NKAIN2: variants seen among roughly 807,000 people sequenced by gnomAD.
NKAIN2 encodes the protein sodium/potassium transporting ATPase interacting 2.
NKAIN2 carries 14 observed loss-of-function variants against 32.6 expected under a neutral mutation model. The observed-to-expected ratio is 0.43, with a 90% CI of 0.28 to 0.67. NKAIN2 has a LOEUF of 0.67. Among genes scored for constraint, NKAIN2 ranks in the 30% least tolerant of loss-of-function variants. NKAIN2 has a pLI of 0.17. For missense variants in NKAIN2, 198 were observed against 258.3 expected (o/e 0.77, Z 1.60); for synonymous variants, 80 against 87.2 (o/e 0.92, Z 0.46).
intron 1 of NKAIN2, among the ~76,000 whole-genome samples, chr6:123,961,317 A>G (rs544393855): frequency 6.6e-6 from 1 of 152,320 alleles, no homozygotes; most frequent in Non-Finnish European, 1.5e-5. Flanking sequence ...TTCCTGATTC[A>G]TTAAATACTT....
chr6:124,451,382 A>G (rs1453802422), intron 3 of NKAIN2, among the ~76,000 whole-genome samples: 2 of 152,186 alleles, frequency 1.3e-5, no homozygotes, highest in African/African-American at 4.8e-5. Context: ...AGTTCTTAAG[A>G]CAAATATATT....
At chr6:124,192,346 T>C (rs940723508) in intron 1 of NKAIN2, among the ~76,000 whole-genome samples, 6 of 152,222 alleles carry the variant, frequency 3.9e-5, no homozygotes, top group Non-Finnish European at 8.8e-5. Context: ...GATTACTTCT[T>C]TGATTTATAG....
At chr6:124,586,963 TATATTAC>T (rs1215560995) in intron 3 of NKAIN2, among the ~76,000 whole-genome samples, 1 of 152,184 alleles carries the variant, frequency 6.6e-6, no homozygotes, top group Admixed American at 6.5e-5. Flanking sequence ...CAACTCCTCT[TATATTAC>T]ATTTTGGAAA....
rs147219072 is a variant in NKAIN2 at position 124,384,603 on chromosome 6, A to C, written c.273+29256A>C. On this transcript the variant is annotated intron_variant, in intron 3 of 6. Coordinates refer to ENST00000368417, the MANE Select transcript of NKAIN2 (RefSeq NM_001040214.3). Reference sequence around the variant, plus strand: ...TTGCTTGTGATACACAATTGCTTACAATAGTTTGACTCTCTTGCACACTTT... The same window carrying C: ...TTGCTTGTGATACACAATTGCTTACCATAGTTTGACTCTCTTGCACACTTT... Among the ~76,000 whole-genome samples, 1,307 of 150,480 alleles carry C rather than the reference A, an allele frequency of 8.7e-3. 19 individuals carry two copies. Among genetic ancestry groups the C allele is most frequent in the African/African-American group, 0.029 (1,192 of 41,456 alleles).
chr6:124,581,818 G>A (rs2875763), intron 3 of NKAIN2, among the ~76,000 whole-genome samples: 2,655 of 152,116 alleles, frequency 0.017, 87 homozygotes, highest in African/African-American at 0.061. Context: ...AAATGACAAC[G>A]GAAACACAAC....
intron 1 of NKAIN2, among the ~76,000 whole-genome samples, chr6:123,854,724 T>C (rs986193259): frequency 6.6e-6 from 1 of 152,096 alleles, no homozygotes; most frequent in Non-Finnish European, 1.5e-5. Flanking sequence ...TGAGAAGAGC[T>C]CAAGGCCCAA....
chr6:124,722,411 G>T (rs1422867679), intron 4 of NKAIN2, among the ~76,000 whole-genome samples: 1 of 152,166 alleles, frequency 6.6e-6, no homozygotes, highest in Non-Finnish European at 1.5e-5. Flanking sequence ...TGGCAACAGG[G>T]ACCAGTTTCG....
intron 1 of NKAIN2, among the ~76,000 whole-genome samples, chr6:124,278,714 T>C (rs922873987): frequency 4.6e-5 from 6 of 130,226 alleles, no homozygotes; most frequent in African/African-American, 1.7e-4. Flanking sequence ...CTGGAAAACA[T>C]GAAATATATA....
chr6:124,573,267 G>T (rs1781198929), intron 3 of NKAIN2, among the ~76,000 whole-genome samples: 1 of 152,202 alleles, frequency 6.6e-6, no homozygotes, highest in African/African-American at 2.4e-5. Flanking sequence ...TTGTTTGGAT[G>T]TTCAGGCAGC....
intron 1 of NKAIN2, among the ~76,000 whole-genome samples, chr6:124,023,598 A>G (rs960764631): frequency 6.6e-6 from 1 of 152,134 alleles, no homozygotes; most frequent in African/African-American, 2.4e-5. Flanking sequence ...ATTATTTAAG[A>G]AATGTCAGTG....
intron 1 of NKAIN2, among the ~76,000 whole-genome samples, chr6:123,936,602 T>C (rs1430938020): frequency 6.6e-6 from 1 of 152,114 alleles, no homozygotes; most frequent in Non-Finnish European, 1.5e-5. Flanking sequence ...AGTAATAATA[T>C]AAAGATAATG....
At chr6:124,802,993 T>C (rs1393549944) in intron 5 of NKAIN2, among the ~76,000 whole-genome samples, 2 of 152,172 alleles carry the variant, frequency 1.3e-5, no homozygotes, top group Admixed American at 1.3e-4. Context: ...ATTCAATTTC[T>C]CCACTTCTAA....
At chr6:124,718,316 G>C (rs1775852930) in intron 4 of NKAIN2, among the ~76,000 whole-genome samples, 1 of 152,106 alleles carries the variant, frequency 6.6e-6, no homozygotes, top group Non-Finnish European at 1.5e-5. Flanking sequence ...TTTCGTCTGA[G>C]TGCAATCATA....
chr6:124,334,069 G>A (rs190322061), intron 2 of NKAIN2, among the ~76,000 whole-genome samples: 6 of 152,146 alleles, frequency 3.9e-5, no homozygotes, highest in East Asian at 1.9e-4. Flanking sequence ...CCATGTTTCC[G>A]TCTTATGTGG....
At chr6:123,845,546 C>A (rs1001973587) in intron 1 of NKAIN2, among the ~76,000 whole-genome samples, 1 of 152,138 alleles carries the variant, frequency 6.6e-6, no homozygotes, top group Non-Finnish European at 1.5e-5. Flanking sequence ...GACTCATGAA[C>A]AACACAAATT....
Position 123,921,817 on chromosome 6 carries a change from G to A in NKAIN2, c.54+117563G>A, listed in dbSNP as rs146136830. On this transcript the variant is annotated intron_variant, in intron 1 of 6. Coordinates refer to ENST00000368417, the MANE Select transcript of NKAIN2 (RefSeq NM_001040214.3). Reference sequence around the variant, plus strand: ...TTATTTTGTGTTTTAAAAATTTGCCGCTACTCAGGAGGCTGAGGCAGGAGA... The same window carrying A: ...TTATTTTGTGTTTTAAAAATTTGCCACTACTCAGGAGGCTGAGGCAGGAGA... 2.0e-3 allele frequency among the ~76,000 whole-genome samples: 309 copies of A among 151,978 alleles called. 3 individuals are homozygous for A. The highest frequency in any genetic ancestry group is 7.1e-3 in the African/African-American group (293 of 41,452).
chr6:123,814,563 T>C (rs1481870835), intron 1 of NKAIN2, among the ~76,000 whole-genome samples: 3 of 152,222 alleles, frequency 2.0e-5, no homozygotes, highest in Non-Finnish European at 4.4e-5. Context: ...TTTCACTTTC[T>C]TTTCGTAAGA....
chr6:124,643,445 A>G (rs1019255052), intron 3 of NKAIN2, among the ~76,000 whole-genome samples: 3 of 152,118 alleles, frequency 2.0e-5, no homozygotes, highest in Non-Finnish European at 4.4e-5. Flanking sequence ...CAGGCACCAT[A>G]CCATTTGAAT....
At chr6:124,171,547 ATTTTTTTTTTT>A (rs10665262) in intron 1 of NKAIN2, among the ~76,000 whole-genome samples, 1 of 96,470 alleles carries the variant, frequency 1.0e-5, no homozygotes, top group African/African-American at 4.0e-5. Context: ...GGCCGATTTG[ATTTTTTTTTTT>A]TTTTTTTTTT....
Sources: allele counts gnomAD v4.1 joint callset (sites outside exome capture counted in the v4.1 genomes callset), GRCh38; gene constraint gnomAD v4.1.1; transcripts MANE v1.5; gene names NCBI Gene and HGNC (gene_info 2026-07-23, HGNC 2026-07-21).